Variants in SLC13A4 observed in about 807,000 individuals in gnomAD.
The protein encoded by SLC13A4 is solute carrier family 13 member 4, also known as Na(+)/sulfate cotransporter SUT-1.
SLC13A4 carries 28 observed loss-of-function variants against 72.7 expected under a neutral mutation model. The ratio of observed to expected loss-of-function variants is 0.39; its 90% confidence interval spans 0.29 to 0.53. The LOEUF (loss-of-function observed/expected upper bound fraction) is 0.53, where lower values mean the gene tolerates loss of function less well. Among genes scored for constraint, SLC13A4 ranks in the 20% least tolerant of loss-of-function variants. The pLI is 0.78. For synonymous variants in SLC13A4, 312 were observed against 325.5 expected, an observed-to-expected ratio of 0.96 and a Z score of 0.45; for missense variants, 653 against 788.0, an observed-to-expected ratio of 0.83 and a Z score of 2.05.
intron 1 of SLC13A4, 78 bp downstream of exon 1, chr7:135,727,320 C>G (rs1443759642): frequency 6.6e-7 from 1 of 1,513,118 alleles, no homozygotes; most frequent in African/African-American, 1.4e-5. Flanking sequence ...CCTGAGCGCC[C>G]CATGTTCCCC....
At chr7:135,684,324 C>G in intron 14 of SLC13A4, 63 bp from the exon 15 acceptor site, 4 of 1,525,292 alleles carry the variant, frequency 2.6e-6, no homozygotes, top group Non-Finnish European at 3.6e-6. Flanking sequence ...TGCTTAATGT[C>G]AGGAGCATGC....
In SLC13A4 at chr7:135,681,500, T is replaced by C. The variant is rs908195635; in HGVS notation, c.*63A>G. The C allele has an allele frequency of 3.8e-6, 6 of 1,563,348 alleles. No individual in the cohort carries two copies. In the Admixed American group the frequency reaches 7.0e-5, roughly 18 times the overall value. ...GGTGGTCCTAGTGGTTTTCTTTGCC[T>C]GTGGTCCAGATACTGCTGGATACTG... On this transcript the variant is annotated 3_prime_UTR_variant, in exon 16 of 16. Coordinates refer to ENST00000682651, the MANE Select transcript of SLC13A4 (RefSeq NM_001318192.2).
In SLC13A4 at chr7:135,721,577, C is replaced by A; in HGVS notation, c.100-54G>T. The A allele has an allele frequency of 3.7e-6, 6 of 1,603,148 alleles. No individual in the cohort carries two copies. The South Asian group carries it at 6.6e-5, about 18-fold the overall frequency. On this transcript the variant is annotated intron_variant, in intron 1 of 15. Coordinates refer to ENST00000682651, the MANE Select transcript of SLC13A4 (RefSeq NM_001318192.2). ...CACAGGAATAGTCACTGCCACTGAG[C>A]GTCCGGATGCAACCCTGGCATCTGA... is the stretch of plus-strand genomic sequence containing the variant.
At chr7:135,713,009 TC>T (rs1053130761) in intron 2 of SLC13A4, among the ~76,000 whole-genome samples, 6 of 152,192 alleles carry the variant, frequency 3.9e-5, no homozygotes, top group African/African-American at 1.4e-4. Context: ...CCTTCTCTGG[TC>T]CCTGGGTCTG....
At chr7:135,720,561 A>C (rs894314773) in intron 2 of SLC13A4, among the ~76,000 whole-genome samples, 1 of 150,344 alleles carries the variant, frequency 6.7e-6, no homozygotes, top group African/African-American at 2.5e-5. Flanking sequence ...CATTAAAAAA[A>C]AAAAAAAAAA....
intron 1 of SLC13A4, among the ~76,000 whole-genome samples, chr7:135,724,176 G>A (rs976737068): frequency 1.3e-5 from 2 of 152,158 alleles, no homozygotes; most frequent in Non-Finnish European, 2.9e-5. Flanking sequence ...TACAAGTTAA[G>A]GGGAAGGAGG....
At chr7:135,718,905 G>A (rs1796485494) in intron 2 of SLC13A4, among the ~76,000 whole-genome samples, 7 of 152,140 alleles carry the variant, frequency 4.6e-5, no homozygotes, top group Admixed American at 2.0e-4. Context: ...GCTTACAAAG[G>A]GCTATAACCC....
chr7:135,686,009 C>A (rs541234931), intron 13 of SLC13A4, among the ~76,000 whole-genome samples: 2 of 152,256 alleles, frequency 1.3e-5, no homozygotes, highest in African/African-American at 4.8e-5. Context: ...CAACTTCAGT[C>A]TCGTTACCCT....
Position 135,709,601 on chromosome 7 carries a change from T to G in SLC13A4, c.229-1351A>C, listed in dbSNP as rs116893187. Among the ~76,000 whole-genome samples the G allele has an allele frequency of 1.0e-2, 1,518 of 152,252 alleles. 13 individuals carry two copies. Among genetic ancestry groups the G allele is most frequent in the Non-Finnish European group, 0.015 (1,025 of 68,006 alleles). On this transcript the variant is annotated intron_variant, in intron 2 of 15. Coordinates refer to ENST00000682651, the MANE Select transcript of SLC13A4 (RefSeq NM_001318192.2). Reference sequence around the variant, plus strand: ...ATAAACTCCTTTCTACTTTTTAATTTAATGATGGGGAAGTTGAGACATAGG... The same window carrying G: ...ATAAACTCCTTTCTACTTTTTAATTGAATGATGGGGAAGTTGAGACATAGG...
At chr7:135,709,698 T>G (rs952589598) in intron 2 of SLC13A4, among the ~76,000 whole-genome samples, 25 of 152,196 alleles carry the variant, frequency 1.6e-4, no homozygotes, top group African/African-American at 5.5e-4. Flanking sequence ...ACTTGGAACA[T>G]TCTCTCTTTC....
At chr7:135,700,516 C>T (rs1308319157) in intron 7 of SLC13A4, among the ~76,000 whole-genome samples, 1 of 152,202 alleles carries the variant, frequency 6.6e-6, no homozygotes, top group Admixed American at 6.5e-5. Flanking sequence ...GGCTGACCCT[C>T]CAGACCTCTA....
chr7:135,707,164 G>A (rs1796183397), intron 3 of SLC13A4, among the ~76,000 whole-genome samples: 1 of 152,166 alleles, frequency 6.6e-6, no homozygotes, highest in South Asian at 2.1e-4. Flanking sequence ...GCAACTTGCT[G>A]ACTGATGTAA....
chr7:135,716,942 C>T (rs1462494350), intron 2 of SLC13A4, among the ~76,000 whole-genome samples: 1 of 152,280 alleles, frequency 6.6e-6, no homozygotes, highest in East Asian at 1.9e-4. Context: ...TAGCTAAAAG[C>T]CAAGGGTCTT....
chr7:135,706,290 A>C lies in SLC13A4; in HGVS notation c.376T>G (p.Cys126Gly). The change falls in exon 4 of 16, where the codon TGC becomes GGC. Residue 126 changes from cysteine (C) to glycine (G), a missense_variant. Coordinates refer to ENST00000682651, the MANE Select transcript of SLC13A4 (RefSeq NM_001318192.2). Reference protein sequence around the residue: ...AGAKPGMLLLCFMCCTTLLSM... With the variant: ...AGAKPGMLLLGFMCCTTLLSM... The stretch of plus-strand genomic sequence containing the variant: ...AGCAACGTGGTACAGCACATGAAGC[A>C]GAGCAGCAGCCTGGAAGGCAGGGAG... 1.6e-5 allele frequency: 25 copies of C among 1,603,524 alleles called. No individual in the cohort carries two copies. The highest frequency in any genetic ancestry group is 2.1e-5 in the Non-Finnish European group (25 of 1,171,882).
chr7:135,716,274 T>C (rs1488373377), intron 2 of SLC13A4, among the ~76,000 whole-genome samples: 1 of 152,190 alleles, frequency 6.6e-6, no homozygotes, highest in Admixed American at 6.5e-5. Context: ...CAGAATTTGA[T>C]GTACTGGACA....
At chr7:135,700,361 T>C (rs571845337) in intron 7 of SLC13A4, among the ~76,000 whole-genome samples, 24 of 152,278 alleles carry the variant, frequency 1.6e-4, no homozygotes, top group African/African-American at 5.5e-4. Context: ...CCTGGCCACC[T>C]TCACTGATTC....
chr7:135,705,607 A>G lies in SLC13A4; in HGVS notation c.582T>C (p.Phe194=), dbSNP rs1489862801. 5.0e-6 allele frequency: 8 copies of G among 1,614,120 alleles called. No homozygotes were observed. Among genetic ancestry groups the G allele is most frequent in the Non-Finnish European group, 5.9e-6 (7 of 1,179,974 alleles). ...KNSQPSLELI[F]VNEDRSNADL... ...GCAGTCATACTCACTCTTCATTGAC[A>G]AAGATGAGTTCCAGAGAAGGTTGGC... Residue 194 remains phenylalanine, a synonymous_variant, in exon 5 of 16, where the codon TTT becomes TTC. Transcript: ENST00000682651.
rs537618148 is a variant in SLC13A4, at chr7:135,714,819, C to T, written c.229-6569G>A. 4.7e-5 allele frequency among the ~76,000 whole-genome samples: 7 copies of T among 148,828 alleles called. No homozygotes were observed. In the East Asian group the frequency reaches 7.7e-4, roughly 16 times the overall value. On this transcript the variant is annotated intron_variant, in intron 2 of 15. Transcript: ENST00000682651. ...GACAGCCGACTCCGGCGGCACCAGG[C>T]GGCAGCGGCTGCGGGTTATCCCAGC...
intron 2 of SLC13A4, among the ~76,000 whole-genome samples, chr7:135,709,431 A>ATTTTTT (rs879324449): frequency 0.014 from 1,013 of 70,920 alleles, 11 homozygotes; most frequent in African/African-American, 0.027. Context: ...TTTTTAAAAA[A>ATTTTTT]AAATTTGAGA....
Sources: allele counts gnomAD v4.1 joint callset (sites outside exome capture counted in the v4.1 genomes callset), GRCh38; gene constraint gnomAD v4.1.1; transcripts MANE v1.5; gene names NCBI Gene and HGNC (gene_info 2026-07-23, HGNC 2026-07-21).